TRIM27: variants seen among roughly 807,000 people sequenced by gnomAD.
The protein encoded by TRIM27 is tripartite motif containing 27, also known as zinc finger protein RFP.
In TRIM27, 12 loss-of-function variants were observed where a neutral mutation model predicts 57.6. The observed-to-expected ratio is 0.21, with a 90% confidence interval of 0.13 to 0.34. TRIM27 has a LOEUF of 0.34. TRIM27 is among the 10% of genes least tolerant of loss of function. The pLI, the probability that TRIM27 is intolerant of heterozygous loss-of-function variation, is 1.00. For synonymous variants in TRIM27, 266 were observed against 259.0 expected, an observed-to-expected ratio of 1.03 and a Z score of -0.26; for missense variants, 403 against 656.8, an observed-to-expected ratio of 0.61 and a Z score of 4.22.
chr6:28,905,731 T>C (rs992521703), intron 7 of TRIM27: 3 of 152,144 alleles, frequency 2.0e-5, no homozygotes, highest in African/African-American at 7.2e-5. Flanking sequence ...ATAAGATCTT[T>C]ACTCTGCACA....
At position 28,913,233 on chromosome 6, in the gene TRIM27, C is replaced by T. The variant is rs534368216; in HGVS notation, c.748-1515G>A. Among the ~76,000 whole-genome samples, 31 of 129,120 alleles carry T rather than the reference C, an allele frequency of 2.4e-4. No individual in the cohort carries two copies. In the South Asian group the frequency reaches 6.3e-3, roughly 26 times the overall value. 84.7% of individuals were successfully genotyped at this position (129,120 alleles called of 152,430 possible). A position where few individuals can be genotyped will look rare whatever the true frequency, so the allele number is the denominator to read the frequency against. The stretch of plus-strand genomic sequence containing the variant: ...TCTTGCCATTGTACTCCAGCCTGGG[C>T]AACAAGAGTGAAACTCCATCTCAAA... On this transcript the variant is annotated intron_variant, in intron 3 of 7. Coordinates refer to ENST00000377199, the MANE Select transcript of TRIM27 (RefSeq NM_006510.5).
chr6:28,913,540 G>A (rs1305800052), intron 3 of TRIM27, among the ~76,000 whole-genome samples: 2 of 151,854 alleles, frequency 1.3e-5, no homozygotes, highest in Admixed American at 6.6e-5. Context: ...CTCCAAAAGG[G>A]TCATGATTTT....
At position 28,904,220 on chromosome 6, in the gene TRIM27, A is replaced by C; in HGVS notation, c.1392T>G (p.Ala464=). ...AGGGCCGGACAGGCCCACAAAAGGT[A>C]GCATGAGAGAAAGTGAAGGTGTGAC... ...ERCHTFTFSH[A]TFCGPVRPYF... Residue 464 remains alanine (A), a synonymous_variant, in exon 8 of 8, where the codon GCT becomes GCG. Transcript: ENST00000377199. This position sits in a 1 kb window ranked among gnomAD's most constrained non-coding sequence, Gnocchi z 6.1. 6.2e-7 allele frequency: 1 copy of C among 1,613,148 alleles called. No individual in the cohort carries two copies. The highest frequency in any genetic ancestry group is 8.5e-7 in the Non-Finnish European group (1 of 1,180,048).
In TRIM27 at chr6:28,920,075, G is replaced by A. The variant is rs36075786; in HGVS notation, c.684C>T (p.His228=). The A allele has an allele frequency of 1.1e-3, 1,775 of 1,614,228 alleles. 16 individuals carry two copies. The African/African-American group carries it at 0.017, about 16-fold the overall frequency. Residue 228 remains histidine, a synonymous_variant, in exon 3 of 8, where the codon CAC becomes CAT. Transcript: ENST00000377199. ...CTAGCTGAGCGATCAGGCTGCTGAG[G>A]TGGGAGATGTTGCAAGAGAACTGGG... The part of the protein sequence containing the change: ...AITQFSCNIS[H]LSSLIAQLEE...
intron 3 of TRIM27, among the ~76,000 whole-genome samples, chr6:28,912,222 G>A (rs1010689433): frequency 6.6e-6 from 1 of 150,940 alleles, no homozygotes; most frequent in Admixed American, 6.7e-5. Flanking sequence ...CAATTCTCCT[G>A]CCTCAGCCTC....
intron 2 of TRIM27, 135 bp downstream of exon 2, chr6:28,921,757 A>G: frequency 1.4e-6 from 1 of 730,524 alleles, no homozygotes; most frequent in Non-Finnish European, 2.4e-6. Context: ...GTGAGTTCCC[A>G]CTGCCATGTG....
intron 3 of TRIM27, among the ~76,000 whole-genome samples, chr6:28,917,506 A>G (rs1773697005): frequency 6.6e-6 from 1 of 151,258 alleles, no homozygotes; most frequent in Admixed American, 6.6e-5. Context: ...TGAACTTGAG[A>G]GGGGGATGTT....
intron 7 of TRIM27, 90 bp downstream of exon 7, chr6:28,907,146 T>C: frequency 7.9e-7 from 1 of 1,263,118 alleles, no homozygotes; most frequent in Non-Finnish European, 1.1e-6. Flanking sequence ...AATCCAAATC[T>C]AAGCAATTTC....
At chr6:28,923,188 C>G in intron 1 of TRIM27, 25 bp downstream of exon 1, 1 of 1,524,372 alleles carries the variant, frequency 6.6e-7, no homozygotes, top group Non-Finnish European at 8.8e-7. Context: ...CTCGCGCTCC[C>G]GCCCTCCCGG....
At chr6:28,911,811 G>A (rs1773229429) in intron 3 of TRIM27, 93 bp from the exon 4 acceptor site, 5 of 1,190,860 alleles carry the variant, frequency 4.2e-6, no homozygotes, top group Non-Finnish European at 6.1e-6. Context: ...ACTACAGACT[G>A]GCTCTCATGG....
chr6:28,908,941 A>G, intron 5 of TRIM27, 32 bp downstream of exon 5: 1 of 1,603,306 alleles, frequency 6.2e-7, no homozygotes, highest in Middle Eastern at 1.7e-4. Context: ...GTATAAATCC[A>G]TTTCCCCTCA....
At chr6:28,905,944 G>C (rs1280348915) in intron 7 of TRIM27, 1 of 152,198 alleles carries the variant, frequency 6.6e-6, no homozygotes, top group Non-Finnish European at 1.5e-5. Context: ...TAATGGGCTG[G>C]ATATGTGGCT....
intron 1 of TRIM27, among the ~76,000 whole-genome samples, chr6:28,922,717 T>C (rs977309539): frequency 6.6e-6 from 1 of 152,204 alleles, no homozygotes; most frequent in African/African-American, 2.4e-5. Flanking sequence ...AGTCTCAGAG[T>C]GGTTAAGTGA....
At chr6:28,917,859 G>A (rs61661350) in intron 3 of TRIM27, among the ~76,000 whole-genome samples, 2,088 of 148,240 alleles carry the variant, frequency 0.014, 55 homozygotes, top group African/African-American at 0.047. Flanking sequence ...ACAGGGTTTC[G>A]CTCATTGCCC....
intron 3 of TRIM27, among the ~76,000 whole-genome samples, chr6:28,918,449 C>G (rs1773776980): frequency 6.6e-6 from 1 of 152,000 alleles, no homozygotes; most frequent in South Asian, 2.1e-4. Context: ...GTTATTGAAT[C>G]AAATGGGTAT....
Position 28,904,322 on chromosome 6 carries a change from C to T in TRIM27, c.1290G>A (p.Arg430=), listed in dbSNP as rs1346443036. The change falls in exon 8 of 8, where the codon CGG becomes CGA. Residue 430 remains arginine (R), a synonymous_variant. Transcript: ENST00000377199. This position sits in a 1 kb window ranked among gnomAD's most constrained non-coding sequence, Gnocchi z 6.1. The part of the protein sequence containing the change: ...LTSPMTALPL[R]TPLQRVGIFL... ...AAATCCCCACCCGCTGGAGCGGGGT[C>T]CGCAGGGGTAGGGCAGTCATTGGGG... The T allele has an allele frequency of 3.1e-6, 5 of 1,613,076 alleles. No homozygotes were observed. Among genetic ancestry groups the T allele is most frequent in the Admixed American group, 1.7e-5 (1 of 60,032 alleles).
At chr6:28,907,634 A>C (rs1772865683) in intron 6 of TRIM27, 1 of 547,666 alleles carries the variant, frequency 1.8e-6, no homozygotes, top group African/African-American at 1.9e-5. Context: ...ATCTGTGTAC[A>C]AGAGCTGAAT....
intron 6 of TRIM27, 133 bp downstream of exon 6, chr6:28,908,675 A>G: frequency 1.3e-6 from 1 of 751,564 alleles, no homozygotes; most frequent in East Asian, 2.7e-5. Flanking sequence ...ATTAAGACCA[A>G]AGGGAAGATG....
At chr6:28,911,854 T>G (rs1256426281) in intron 3 of TRIM27, 136 bp from the exon 4 acceptor site, 2 of 811,152 alleles carry the variant, frequency 2.5e-6, no homozygotes, top group Non-Finnish European at 4.0e-6. Flanking sequence ...CACTGGAACA[T>G]AACTCAGTGT....
Sources: allele counts gnomAD v4.1 joint callset (sites outside exome capture counted in the v4.1 genomes callset), GRCh38; gene constraint gnomAD v4.1.1; non-coding constraint Gnocchi (gnomAD v3.1); transcripts MANE v1.5; gene names NCBI Gene and HGNC (gene_info 2026-07-23, HGNC 2026-07-21).